Variants in CHD9 observed in about 807,000 individuals in gnomAD.
CHD9 encodes chromodomain helicase DNA binding protein 9, also known as ATP-dependent chromatin remodeler CHD9.
CHD9 carries 77 observed loss-of-function variants against 316.1 expected under a neutral mutation model. The observed-to-expected ratio is 0.24, with a 90% CI of 0.20 to 0.29. The LOEUF is 0.29. Ranked by LOEUF, CHD9 falls within the 10% of genes least tolerant of loss-of-function variation. The pLI, the probability that CHD9 is intolerant of heterozygous loss-of-function variation, is 1.00. For synonymous variants in CHD9, 1,129 were observed against 1,158.3 expected, an observed-to-expected ratio of 0.97 and a Z score of 0.51; for missense variants, 2,763 against 3,438.1, an observed-to-expected ratio of 0.80 and a Z score of 4.91.
chr16:53,200,101 C>T (rs74642637), intron 2 of CHD9, among the ~76,000 whole-genome samples: 9 of 151,854 alleles, frequency 5.9e-5, no homozygotes, highest in African/African-American at 1.9e-4. Context: ...AGGCTGGGCA[C>T]GGTGGCTCAT....
At chr16:53,179,013 A>T (rs1184817572) in intron 2 of CHD9, among the ~76,000 whole-genome samples, 1 of 151,318 alleles carries the variant, frequency 6.6e-6, no homozygotes, top group Non-Finnish European at 1.5e-5. Context: ...ACATAGCGAG[A>T]CCCTGTTTCT....
At position 53,314,902 on chromosome 16, in the gene CHD9, C is replaced by A. The variant is rs774273388; in HGVS notation, c.7442C>A (p.Pro2481His). The A allele has an allele frequency of 3.8e-5, 61 of 1,613,586 alleles. No homozygotes were observed. Among genetic ancestry groups the A allele is most frequent in the Non-Finnish European group, 4.9e-5 (58 of 1,179,752 alleles). Residue 2481 changes from proline to histidine, a missense_variant, in exon 36 of 39, where the codon CCT becomes CAT. Pro to His is a moderately conservative substitution (Grantham distance 77). This residue lies in a region of CHD9 where 663 missense variants were observed against 751.2 expected (regional missense o/e 0.88). Coordinates refer to ENST00000447540, the MANE Select transcript of CHD9 (RefSeq NM_001308319.2). ...ALSYTQPQGI[P>H]DTESPVPVIN... ...TCCTATACTCAACCTCAAGGAATTC[C>A]TGATACAGAAAGTCCAGTTCCAGTT... is the stretch of plus-strand genomic sequence containing the variant.
intron 17 of CHD9, 112 bp from the exon 18 acceptor site, chr16:53,254,326 T>C: frequency 6.0e-6 from 4 of 663,968 alleles, no homozygotes; most frequent in Non-Finnish European, 6.9e-6. Flanking sequence ...TTATATCTAA[T>C]TCAATAAAAA....
chr16:53,186,539 G>A (rs1048903011), intron 2 of CHD9, among the ~76,000 whole-genome samples: 1 of 152,150 alleles, frequency 6.6e-6, no homozygotes, highest in Non-Finnish European at 1.5e-5. Flanking sequence ...GACTTCGAGG[G>A]ACTGTTGGAA....
chr16:53,081,212 G>A (rs2034987619), intron 1 of CHD9, among the ~76,000 whole-genome samples: 1 of 152,182 alleles, frequency 6.6e-6, no homozygotes, highest in Non-Finnish European at 1.5e-5. Flanking sequence ...AATCTCCCAG[G>A]GACTGTCAAA....
chr16:53,141,150 C>G (rs2040076084), intron 1 of CHD9, among the ~76,000 whole-genome samples: 1 of 152,130 alleles, frequency 6.6e-6, no homozygotes. Context: ...AGAGTGTTTA[C>G]ACAGTGCTTT....
chr16:53,148,006 T>A (rs2040773134), intron 1 of CHD9, among the ~76,000 whole-genome samples: 1 of 151,756 alleles, frequency 6.6e-6, no homozygotes, highest in African/African-American at 2.4e-5. Context: ...GAGTTCAAGA[T>A]CAGCCTAGCC....
At chr16:53,253,666 G>A (rs186620894) in intron 17 of CHD9, among the ~76,000 whole-genome samples, 129 of 152,116 alleles carry the variant, frequency 8.5e-4, no homozygotes, top group African/African-American at 2.8e-3. Context: ...GAAATTTAGC[G>A]TTAGACTTTA....
intron 18 of CHD9, among the ~76,000 whole-genome samples, chr16:53,255,361 A>G (rs1377964580): frequency 1.3e-5 from 2 of 152,086 alleles, no homozygotes; most frequent in African/African-American, 2.4e-5. Flanking sequence ...ATGTTACCCA[A>G]CCCTTAGGCC....
At chr16:53,173,511 A>C (rs2042908711) in intron 2 of CHD9, among the ~76,000 whole-genome samples, 1 of 150,208 alleles carries the variant, frequency 6.7e-6, no homozygotes, top group Non-Finnish European at 1.5e-5. Context: ...TATCTTCATT[A>C]TTTCTTTCTT....
intron 1 of CHD9, among the ~76,000 whole-genome samples, chr16:53,144,032 TATG>T (rs2040364688): frequency 2.0e-5 from 3 of 152,156 alleles, no homozygotes; most frequent in African/African-American, 4.8e-5. Context: ...GGGGGAAAAA[TATG>T]ATATCTTTTG....
At chr16:53,076,154 T>G (rs1417320745) in intron 1 of CHD9, among the ~76,000 whole-genome samples, 1 of 152,232 alleles carries the variant, frequency 6.6e-6, no homozygotes, top group Non-Finnish European at 1.5e-5. Context: ...TGGCTATTAA[T>G]CCTCCATCAG....
chr16:53,084,410 T>C (rs1233905389), intron 1 of CHD9, among the ~76,000 whole-genome samples: 1 of 152,178 alleles, frequency 6.6e-6, no homozygotes, highest in Non-Finnish European at 1.5e-5. Context: ...TAGAGTGTTG[T>C]TGGTAAGGAC....
chr16:53,293,463 A>G (rs907305530), intron 29 of CHD9, among the ~76,000 whole-genome samples: 17 of 151,946 alleles, frequency 1.1e-4, no homozygotes, highest in Non-Finnish European at 2.4e-4. Flanking sequence ...AAAAAATGCA[A>G]AAATTAGCCA....
intron 2 of CHD9, among the ~76,000 whole-genome samples, chr16:53,177,930 T>C (rs1265694702): frequency 6.6e-6 from 1 of 152,214 alleles, no homozygotes; most frequent in Non-Finnish European, 1.5e-5. Context: ...GCCTCATGAA[T>C]ACACATGAAC....
chr16:53,067,478 A>G (rs979973234), intron 1 of CHD9, among the ~76,000 whole-genome samples: 4 of 152,158 alleles, frequency 2.6e-5, no homozygotes, highest in Admixed American at 2.6e-4. Flanking sequence ...AATGGGCTTG[A>G]AACCACTTTA....
At chr16:53,299,314 A>T (rs1156334932) in intron 30 of CHD9, 1 of 155,570 alleles carries the variant, frequency 6.4e-6, no homozygotes, top group Non-Finnish European at 1.4e-5. Flanking sequence ...TCTCACAGCC[A>T]CCCATAATGA....
At chr16:53,087,905 G>A in intron 1 of CHD9, among the ~76,000 whole-genome samples, 1 of 151,548 alleles carries the variant, frequency 6.6e-6, no homozygotes, top group Non-Finnish European at 1.5e-5. Flanking sequence ...CCGAGATCAT[G>A]CCATTGCACT....
At chr16:53,219,281 CA>C (rs2047029338) in intron 3 of CHD9, among the ~76,000 whole-genome samples, 1 of 151,852 alleles carries the variant, frequency 6.6e-6, no homozygotes, top group Non-Finnish European at 1.5e-5. Flanking sequence ...GTGTAATAAG[CA>C]ATTAGTTATA....
Sources: allele counts gnomAD v4.1 joint callset (sites outside exome capture counted in the v4.1 genomes callset), GRCh38; gene constraint gnomAD v4.1.1; regional missense constraint gnomAD v4.1.1; transcripts MANE v1.5; gene names NCBI Gene and HGNC (gene_info 2026-07-23, HGNC 2026-07-21).